Variants in LRRC74A observed in about 807,000 individuals in gnomAD.
LRRC74A encodes leucine-rich repeat-containing protein 74A.
LRRC74A carries 44 observed loss-of-function variants against 57.9 expected under a neutral mutation model. The observed-to-expected ratio is 0.76, with a 90% CI of 0.60 to 0.98. LRRC74A has a LOEUF of 0.98. Ranked by LOEUF, LRRC74A falls within the 50% of genes least tolerant of loss-of-function variation. LRRC74A has a pLI of 0.00. For synonymous variants in LRRC74A, 211 were observed against 219.4 expected, an observed-to-expected ratio of 0.96 and a Z score of 0.34; for missense variants, 572 against 574.0, an observed-to-expected ratio of 1.00 and a Z score of 0.04.
chr14:76,852,365 C>G lies in LRRC74A; in HGVS notation c.677C>G (p.Ala226Gly), dbSNP rs751230531. ...TAAGCCGATTCCCTCCCTGTTTCAG[C>G]CATCAACGTGGGGCTCACGTCACTG... Reference protein sequence around the residue: ...VGGEHLGQMLAINVGLTSLDL... With the variant: ...VGGEHLGQMLGINVGLTSLDL... Residue 226 changes from alanine (A) to glycine (G), a missense_variant and splice_region_variant, in exon 8 of 14, where the codon GCC becomes GGC. By Grantham distance (60) the Ala-to-Gly change is moderately conservative. Coordinates refer to ENST00000689127, the MANE Select transcript of LRRC74A (RefSeq NM_001385106.1). 1.9e-6 allele frequency: 3 copies of G among 1,607,030 alleles called. No individual in the cohort carries two copies. The highest frequency in any genetic ancestry group is 1.7e-6 in the Non-Finnish European group (2 of 1,174,918).
At chr14:76,828,478 T>C in intron 2 of LRRC74A, 59 bp downstream of exon 2, 1 of 1,609,732 alleles carries the variant, frequency 6.2e-7, no homozygotes, top group Non-Finnish European at 8.5e-7. Context: ...TGGAGAAATC[T>C]GGTTTCCAGG....
chr14:76,846,214 T>C (rs1166529910), intron 7 of LRRC74A, among the ~76,000 whole-genome samples: 1 of 152,222 alleles, frequency 6.6e-6, no homozygotes. Flanking sequence ...CTTAACTAGT[T>C]AGAGAAATGA....
intron 1 of LRRC74A, among the ~76,000 whole-genome samples, 172 bp downstream of exon 1, chr14:76,826,906 G>T (rs1895615771): frequency 6.6e-6 from 1 of 152,200 alleles, no homozygotes; most frequent in Non-Finnish European, 1.5e-5. Context: ...GGAAGAATTG[G>T]CTGCAGTGCT....
rs1177555023 is a variant in LRRC74A at position 76,860,788 on chromosome 14, C to T, written c.1149C>T (p.Leu383=). The change falls in exon 11 of 14, where the codon CTC becomes CTT. Residue 383 remains leucine, a synonymous_variant. Transcript: ENST00000689127. ...LDVVFKAVQG[L]SPKKTIFLLT... ...TGGTATTCAAGGCAGTACAAGGCCT[C>T]TCTCCCAAGAAAACCATCTTCTTGT... The T allele has an allele frequency of 3.1e-6, 5 of 1,610,880 alleles. No homozygotes were observed. Among genetic ancestry groups the T allele is most frequent in the Non-Finnish European group, 4.2e-6 (5 of 1,177,948 alleles).
intron 10 of LRRC74A, among the ~76,000 whole-genome samples, chr14:76,858,027 G>A (rs980923972): frequency 3.9e-5 from 6 of 152,198 alleles, no homozygotes; most frequent in Non-Finnish European, 2.9e-5. Flanking sequence ...TCTGATGATA[G>A]CCTATACTTG....
chr14:76,840,675 C>CG (rs1289878691), intron 5 of LRRC74A, among the ~76,000 whole-genome samples: 1 of 151,452 alleles, frequency 6.6e-6, no homozygotes, highest in Non-Finnish European at 1.5e-5. Flanking sequence ...CTCTGCCCCC[C>CG]GGGGTTCACA....
At chr14:76,859,667 T>C (rs1218156310) in intron 10 of LRRC74A, among the ~76,000 whole-genome samples, 2 of 144,472 alleles carry the variant, frequency 1.4e-5, no homozygotes, top group Non-Finnish European at 3.0e-5. Flanking sequence ...TTAGCCTTTT[T>C]TTTTTTTTTT....
chr14:76,849,298 C>T (rs1357255741), intron 7 of LRRC74A, among the ~76,000 whole-genome samples: 4 of 151,724 alleles, frequency 2.6e-5, no homozygotes, highest in East Asian at 2.0e-4. Context: ...TGGGATTATA[C>T]GCCCAAGCCA....
chr14:76,830,019 G>A (rs751638722), intron 2 of LRRC74A, among the ~76,000 whole-genome samples: 9 of 152,150 alleles, frequency 5.9e-5, no homozygotes, highest in Non-Finnish European at 1.0e-4. Context: ...CATCTTGTGG[G>A]TCCACGCCAG....
intron 11 of LRRC74A, among the ~76,000 whole-genome samples, chr14:76,865,763 C>G (rs1224622380): frequency 1.3e-5 from 2 of 152,222 alleles, no homozygotes; most frequent in Non-Finnish European, 2.9e-5. Context: ...TGCACCTTTG[C>G]CATGCCTGGT....
rs762135881 is a variant in LRRC74A, at chr14:76,831,263, T to C, written c.227T>C (p.Met76Thr). ...KELYLEACKL[M>T]GVVPVSYFIR... Reference sequence around the variant, plus strand: ...CTGTACCTGGAGGCCTGCAAGCTGATGGGTGTAGTGCCTGTCTCCTACTTC... The same window carrying C: ...CTGTACCTGGAGGCCTGCAAGCTGACGGGTGTAGTGCCTGTCTCCTACTTC... The change falls in exon 3 of 14, where the codon ATG (methionine) becomes ACG (threonine). Residue 76 changes from methionine to threonine, a missense_variant. By Grantham distance (81) the Met-to-Thr change is moderately conservative. Coordinates refer to ENST00000689127, the MANE Select transcript of LRRC74A (RefSeq NM_001385106.1). 8 of 1,614,046 alleles carry C rather than the reference T, an allele frequency of 5.0e-6. No homozygotes were observed. Among genetic ancestry groups the C allele is most frequent in the East Asian group, 2.2e-5 (1 of 44,884 alleles).
chr14:76,836,377 C>T (rs747409715), intron 4 of LRRC74A, 63 bp downstream of exon 4: 4 of 1,256,902 alleles, frequency 3.2e-6, no homozygotes, highest in Non-Finnish European at 4.5e-6. Context: ...CCACTGGAGA[C>T]AAGCCAGAGG....
chr14:76,860,246 G>A (rs1595392934), intron 10 of LRRC74A, among the ~76,000 whole-genome samples: 1 of 152,154 alleles, frequency 6.6e-6, no homozygotes, highest in African/African-American at 2.4e-5. Context: ...CCAGCTCTGA[G>A]GGCACTTCCA....
chr14:76,837,835 T>G, intron 4 of LRRC74A, 40 bp from the exon 5 acceptor site: 42 of 1,273,210 alleles, frequency 3.3e-5, no homozygotes, highest in Non-Finnish European at 4.4e-5. Flanking sequence ...GGCCCTTTGG[T>G]GAGCTTTTTT....
chr14:76,852,506 C>T, intron 8 of LRRC74A, 56 bp downstream of exon 8: 1 of 1,348,964 alleles, frequency 7.4e-7, no homozygotes, highest in Non-Finnish European at 1.0e-6. Flanking sequence ...GCCAGGGCCT[C>T]CCATCCTGCC....
intron 13 of LRRC74A, among the ~76,000 whole-genome samples, chr14:76,869,491 G>T (rs376759538): frequency 2.6e-5 from 4 of 151,974 alleles, no homozygotes; most frequent in Admixed American, 6.6e-5. Flanking sequence ...CGGTGCTCAC[G>T]CCTGTAATCC....
intron 13 of LRRC74A, among the ~76,000 whole-genome samples, chr14:76,868,194 A>G (rs535495981): frequency 7.2e-5 from 11 of 152,320 alleles, no homozygotes; most frequent in Non-Finnish European, 1.6e-4. Context: ...CGGGTGCAGT[A>G]GCCCATGCCT....
chr14:76,832,650 A>AGG (rs1896052784), intron 3 of LRRC74A, among the ~76,000 whole-genome samples: 1 of 152,144 alleles, frequency 6.6e-6, no homozygotes, highest in Non-Finnish European at 1.5e-5. Context: ...CAAGGGGCTG[A>AGG]AAAATTAGGA....
chr14:76,829,144 C>T (rs1012605241), intron 2 of LRRC74A: 8 of 1,289,310 alleles, frequency 6.2e-6, no homozygotes, highest in Admixed American at 4.6e-5. Context: ...AAGAGAATGA[C>T]GCTGGTTCCA....
Sources: allele counts gnomAD v4.1 joint callset (sites outside exome capture counted in the v4.1 genomes callset), GRCh38; gene constraint gnomAD v4.1.1; transcripts MANE v1.5; gene names NCBI Gene and HGNC (gene_info 2026-07-23, HGNC 2026-07-21).